Variants in MTNR1B observed in about 807,000 individuals in gnomAD.
MTNR1B encodes melatonin receptor 1B.
Under a neutral mutation model 7.0 loss-of-function variants are expected in MTNR1B, and 7 were observed. That is an observed-to-expected ratio of 1.00 (90% confidence interval 0.57 to 1.88). MTNR1B has a LOEUF of 1.88. Among genes scored for constraint, MTNR1B ranks in the 40% most tolerant of loss-of-function variants. MTNR1B has a pLI of 0.00. For missense variants in MTNR1B, 478 were observed against 486.5 expected, an observed-to-expected ratio of 0.98 and a Z score of 0.16; for synonymous variants, 226 against 208.2, an observed-to-expected ratio of 1.09 and a Z score of -0.74.
chr11:92,969,914 C>T lies in MTNR1B; in HGVS notation c.189C>T (p.Leu63=). ...VDVVGNLLVI[L]SVLRNRKLRN... ...TCGTGGGCAACCTCCTGGTGATCCTCTCCGTGCTCAGGAACCGCAAGCTCC... is the reference window on the plus strand; with the variant it reads ...TCGTGGGCAACCTCCTGGTGATCCTTTCCGTGCTCAGGAACCGCAAGCTCC... The change falls in exon 1 of 2, where the codon CTC becomes CTT. Residue 63 remains leucine, a synonymous_variant. Coordinates refer to ENST00000257068, the MANE Select transcript of MTNR1B (RefSeq NM_005959.5). 1.2e-6 allele frequency: 2 copies of T among 1,612,070 alleles called. No homozygotes were observed. The highest frequency in any genetic ancestry group is 1.7e-6 in the Non-Finnish European group (2 of 1,179,538).
At chr11:92,976,619 T>A (rs566902563) in intron 1 of MTNR1B, among the ~76,000 whole-genome samples, 15 of 152,294 alleles carry the variant, frequency 9.8e-5, no homozygotes, top group Admixed American at 2.6e-4. Context: ...GATAGAGCAA[T>A]CTCCAGGGCA....
chr11:92,982,648 T>C lies in MTNR1B; in HGVS notation c.*336T>C. ...ATAGCTGACCCTCATCCTCCTGCCTTGGCCTCCTGGCTGCTTTCTCCCCTT... is the reference window on the plus strand; with the variant it reads ...ATAGCTGACCCTCATCCTCCTGCCTCGGCCTCCTGGCTGCTTTCTCCCCTT... On this transcript the variant is annotated 3_prime_UTR_variant, in exon 2 of 2. Coordinates refer to ENST00000257068, the MANE Select transcript of MTNR1B (RefSeq NM_005959.5). The C allele has an allele frequency of 3.3e-6, 1 of 299,216 alleles. No individual in the cohort carries two copies. The highest frequency in any genetic ancestry group is 6.4e-5 in the East Asian group (1 of 15,554). 18.5% of individuals were successfully genotyped at this position (299,216 alleles called of 1,614,324 possible). A position where few individuals can be genotyped will look rare whatever the true frequency, so the allele number is the denominator to read the frequency against.
chr11:92,969,763 C>A lies in MTNR1B; in HGVS notation c.38C>A (p.Ala13Glu), dbSNP rs377415898. 6.0e-6 allele frequency: 9 copies of A among 1,511,564 alleles called. No homozygotes were observed. In the South Asian group the frequency reaches 6.3e-5, roughly 11 times the overall value. The allele number at this position is 1,511,564 out of a possible 1,614,324, so 93.6% of individuals were successfully genotyped here. A position where few individuals can be genotyped will look rare whatever the true frequency, so the allele number is the denominator to read the frequency against. ...ENGSFANCCE[A>E]GGWAVRPGWS... ...GGCTCCTTCGCCAACTGCTGCGAGGCGGGCGGGTGGGCAGTGCGCCCGGGC... is the reference window on the plus strand; with the variant it reads ...GGCTCCTTCGCCAACTGCTGCGAGGAGGGCGGGTGGGCAGTGCGCCCGGGC... The change falls in exon 1 of 2, where the codon GCG (alanine) becomes GAG (glutamate). Residue 13 changes from alanine (A) to glutamate (E), a missense_variant. Transcript: ENST00000257068.
chr11:92,974,062 G>C (rs893622171), intron 1 of MTNR1B, among the ~76,000 whole-genome samples: 1 of 152,228 alleles, frequency 6.6e-6, no homozygotes, highest in South Asian at 2.1e-4. Context: ...TGATTCTCCT[G>C]TGTGAGTAAA....
intron 1 of MTNR1B, among the ~76,000 whole-genome samples, chr11:92,971,458 G>C (rs1027236476): frequency 2.0e-5 from 3 of 152,188 alleles, no homozygotes; most frequent in African/African-American, 7.2e-5. Flanking sequence ...GGGAAAAACA[G>C]GTTATGATTA....
intron 1 of MTNR1B, among the ~76,000 whole-genome samples, chr11:92,980,737 C>T (rs915066875): frequency 2.0e-5 from 3 of 152,320 alleles, no homozygotes; most frequent in African/African-American, 4.8e-5. Context: ...GCTGACAGCC[C>T]TTTCTCACCC....
intron 1 of MTNR1B, among the ~76,000 whole-genome samples, 167 bp downstream of exon 1, chr11:92,970,115 G>C (rs908722724): frequency 3.3e-5 from 5 of 152,186 alleles, no homozygotes; most frequent in Non-Finnish European, 4.4e-5. Context: ...AAAAGTTAGG[G>C]TGAGTTTTGC....
chr11:92,975,558 G>A (rs1246428808), intron 1 of MTNR1B, among the ~76,000 whole-genome samples: 1 of 152,196 alleles, frequency 6.6e-6, no homozygotes, highest in Non-Finnish European at 1.5e-5. Context: ...TCCAGAACCA[G>A]TAACTGCCTG....
chr11:92,969,931 G>T lies in MTNR1B; in HGVS notation c.206G>T (p.Arg69Leu), dbSNP rs1591900923. 2 of 1,610,314 alleles carry T rather than the reference G, an allele frequency of 1.2e-6. No homozygotes were observed. Among genetic ancestry groups the T allele is most frequent in the African/African-American group, 2.7e-5 (2 of 74,788 alleles). ...GTGATCCTCTCCGTGCTCAGGAACC[G>T]CAAGCTCCGGAACGCAGGTGAGCAC... is the stretch of plus-strand genomic sequence containing the variant. ...LLVILSVLRNRKLRNAGNLFL... is the reference protein window; with the variant it reads ...LLVILSVLRNLKLRNAGNLFL... Residue 69 changes from arginine to leucine, a missense_variant, in exon 1 of 2, where the codon CGC becomes CTC. Transcript: ENST00000257068.
chr11:92,984,782 T>C (rs1168197024), downstream of MTNR1B: 7 of 430,592 alleles, frequency 1.6e-5, no homozygotes, highest in Admixed American at 5.4e-5. Context: ...AATCCACTAA[T>C]TGGAATTTTT....
In MTNR1B at chr11:92,982,488, C is replaced by A; in HGVS notation, c.*176C>A. 3 of 742,010 alleles carry A rather than the reference C, an allele frequency of 4.0e-6. No homozygotes were observed. The highest frequency in any genetic ancestry group is 6.4e-6 in the Non-Finnish European group (3 of 468,550). 46.0% of individuals were successfully genotyped at this position (742,010 alleles called of 1,614,324 possible). A position where few individuals can be genotyped will look rare whatever the true frequency, so the allele number is the denominator to read the frequency against. On this transcript the variant is annotated 3_prime_UTR_variant, in exon 2 of 2. Coordinates refer to ENST00000257068, the MANE Select transcript of MTNR1B (RefSeq NM_005959.5). ...AGCCCATCAACGCCATGGGTTCAGG[C>A]TGATCCAGGAGATGCTCACAGGCCA...
At chr11:92,979,760 C>T (rs975251179) in intron 1 of MTNR1B, among the ~76,000 whole-genome samples, 1 of 152,152 alleles carries the variant, frequency 6.6e-6, no homozygotes, top group Non-Finnish European at 1.5e-5. Flanking sequence ...TGGGGTTGAC[C>T]CCATTCCTCT....
chr11:92,974,190 G>A (rs1239106751), intron 1 of MTNR1B, among the ~76,000 whole-genome samples: 1 of 152,164 alleles, frequency 6.6e-6, no homozygotes, highest in Non-Finnish European at 1.5e-5. Flanking sequence ...ATTCCCACAT[G>A]TTGTGGGAGG....
At chr11:92,982,803 T>C (rs1452916797), downstream of MTNR1B, 2 of 188,550 alleles carry the variant, frequency 1.1e-5, no homozygotes, top group African/African-American at 2.4e-5. Context: ...CACTCCGCCA[T>C]TGACCTTCCC....
At chr11:92,979,133 A>T (rs1014130921) in intron 1 of MTNR1B, among the ~76,000 whole-genome samples, 4 of 152,182 alleles carry the variant, frequency 2.6e-5, no homozygotes, top group Non-Finnish European at 5.9e-5. Flanking sequence ...GAACTCGGGA[A>T]CTCGCCCAAA....
chr11:92,974,312 GCT>G (rs1356692701), intron 1 of MTNR1B, among the ~76,000 whole-genome samples: 1 of 152,162 alleles, frequency 6.6e-6, no homozygotes, highest in Non-Finnish European at 1.5e-5. Flanking sequence ...CCCTGCACAA[GCT>G]CTCTCTCTTT....
chr11:92,980,035 C>A (rs1195455804), intron 1 of MTNR1B, among the ~76,000 whole-genome samples: 1 of 152,216 alleles, frequency 6.6e-6, no homozygotes, highest in African/African-American at 2.4e-5. Flanking sequence ...CCTGGCCTCT[C>A]CAATTGCTGT....
downstream of MTNR1B, among the ~76,000 whole-genome samples, chr11:92,983,932 C>A (rs984820875): frequency 3.3e-5 from 5 of 152,250 alleles, no homozygotes; most frequent in Middle Eastern, 6.8e-3. Flanking sequence ...AACTGAAACT[C>A]AAAAATGTGG....
intron 1 of MTNR1B, among the ~76,000 whole-genome samples, chr11:92,979,576 A>C (rs1435941646): frequency 6.6e-6 from 1 of 152,192 alleles, no homozygotes; most frequent in African/African-American, 2.4e-5. Context: ...TTGCTGGACA[A>C]TCTTGAGACA....
Sources: gnomAD v4.1 joint callset for allele counts (sites outside exome capture counted in the v4.1 genomes callset) on GRCh38, gnomAD v4.1.1 for gene constraint, MANE v1.5 for transcripts, NCBI Gene and HGNC (gene_info 2026-07-23, HGNC 2026-07-21) for gene names.